GRAMD1B: variants seen among roughly 807,000 people sequenced by gnomAD.
The protein encoded by GRAMD1B is GRAM domain containing 1B.
In GRAMD1B, 37 loss-of-function variants were observed where a neutral mutation model predicts 99.7. The observed-to-expected ratio is 0.37, with a 90% CI of 0.29 to 0.49. The LOEUF is 0.49. Among genes scored for constraint, GRAMD1B ranks in the 20% least tolerant of loss-of-function variants. GRAMD1B has a pLI of 0.98. For missense variants in GRAMD1B, 888 were observed against 1,009.2 expected (o/e 0.88, Z 1.63); for synonymous variants, 427 against 387.6 (o/e 1.10, Z -1.19).
chr11:123,525,427 C>T (rs1942613701), intron 2 of GRAMD1B, among the ~76,000 whole-genome samples: 1 of 152,150 alleles, frequency 6.6e-6, no homozygotes, highest in South Asian at 2.1e-4. Flanking sequence ...CCCTCCCCCG[C>T]AGGGGTGGGG....
intron 19 of GRAMD1B, among the ~76,000 whole-genome samples, chr11:123,619,936 A>T (rs562292794): frequency 6.6e-6 from 1 of 152,214 alleles, no homozygotes; most frequent in East Asian, 1.9e-4. Context: ...ATCCTGCTAC[A>T]TGACAACTTC....
chr11:123,594,377 A>G (rs1007024824), intron 5 of GRAMD1B, among the ~76,000 whole-genome samples: 3 of 152,210 alleles, frequency 2.0e-5, no homozygotes, highest in Non-Finnish European at 4.4e-5. Flanking sequence ...GGAGTGAGTC[A>G]CTGGCATTTT....
chr11:123,611,738 G>A (rs1271186548), intron 14 of GRAMD1B, among the ~76,000 whole-genome samples: 4 of 152,166 alleles, frequency 2.6e-5, no homozygotes, highest in Admixed American at 6.5e-5. Flanking sequence ...TGCAGTCAGC[G>A]GTTGTTGAGT....
chr11:123,483,358 G>C (rs1304629122), intron 2 of GRAMD1B, among the ~76,000 whole-genome samples: 1 of 146,654 alleles, frequency 6.8e-6, no homozygotes, highest in African/African-American at 2.5e-5. Flanking sequence ...CTGATGAACT[G>C]TTTATTTCCA....
chr11:123,431,173 C>T lies in GRAMD1B; in HGVS notation c.374+7C>T. The T allele has an allele frequency of 1.4e-6, 1 of 693,330 alleles. No individual in the cohort carries two copies. Among genetic ancestry groups the T allele is most frequent in the Non-Finnish European group, 2.6e-6 (1 of 379,150 alleles). 42.9% of individuals were successfully genotyped at this position (693,330 alleles called of 1,614,324 possible). On this transcript the variant is annotated splice_region_variant and intron_variant, in intron 1 of 19. Transcript: ENST00000635736. ...AGGAGTGCAGTGAAAGCAGGTACGT[C>T]CCCGTTCCGCCCGTCTCCTTCCCTT...
At chr11:123,609,705 C>T (rs1247923825) in intron 12 of GRAMD1B, 90 bp from the exon 13 acceptor site, 3 of 777,654 alleles carry the variant, frequency 3.9e-6, no homozygotes, top group South Asian at 1.7e-5. Flanking sequence ...GTAGTAAGCA[C>T]AGTCCAGAAG....
chr11:123,507,392 A>G (rs1461926041), intron 2 of GRAMD1B, among the ~76,000 whole-genome samples: 1 of 152,242 alleles, frequency 6.6e-6, no homozygotes, highest in South Asian at 2.1e-4. Context: ...AAACCAGGCA[A>G]TAGGCTAAAG....
chr11:123,507,753 A>G (rs1940582286), intron 2 of GRAMD1B, among the ~76,000 whole-genome samples: 2 of 152,174 alleles, frequency 1.3e-5, no homozygotes, highest in African/African-American at 4.8e-5. Context: ...TGCATTTTTT[A>G]TAATTTGCCA....
chr11:123,578,319 C>T lies in GRAMD1B; in HGVS notation c.663+742C>T, dbSNP rs1948959390. 5 of 1,105,858 alleles carry T rather than the reference C, an allele frequency of 4.5e-6. No individual in the cohort carries two copies. The South Asian group carries it at 5.3e-5, about 12-fold the overall frequency. 68.5% of individuals were successfully genotyped at this position (1,105,858 alleles called of 1,614,324 possible). A position where few individuals can be genotyped will look rare whatever the true frequency, so the allele number is the denominator to read the frequency against. On this transcript the variant is annotated intron_variant, in intron 3 of 19. Transcript: ENST00000635736. ...CCCTGGGAGGCATGGGAGCTGGCTTCCCACTTGAATTTGTCTTTTGATTTC... is the reference window on the plus strand; with the variant it reads ...CCCTGGGAGGCATGGGAGCTGGCTTTCCACTTGAATTTGTCTTTTGATTTC...
At chr11:123,570,826 C>G (rs991574336) in intron 2 of GRAMD1B, among the ~76,000 whole-genome samples, 2 of 152,230 alleles carry the variant, frequency 1.3e-5, no homozygotes, top group African/African-American at 4.8e-5. Flanking sequence ...CACAGTAGTC[C>G]TATGAGATAG....
chr11:123,554,115 A>ATCT (rs1945904807), intron 2 of GRAMD1B, among the ~76,000 whole-genome samples: 2 of 152,166 alleles, frequency 1.3e-5, no homozygotes, highest in African/African-American at 4.8e-5. Context: ...TCTGTATGTG[A>ATCT]TCTGGGAAAA....
chr11:123,412,770 A>C (rs2135978227), intron 1 of GRAMD1B, among the ~76,000 whole-genome samples: 1 of 61,746 alleles, frequency 1.6e-5, no homozygotes, highest in Admixed American at 1.2e-4. Flanking sequence ...TTCATTTTTT[A>C]ATAAAAAAAA....
Position 123,609,800 on chromosome 11 carries a change from ATCT to A in GRAMD1B, c.1666_1668del (p.Phe556del). On this transcript the variant is annotated inframe_deletion, in exon 13 of 20. Coordinates refer to ENST00000635736, the MANE Select transcript of GRAMD1B (RefSeq NM_001387025.1). Reference sequence around the variant, plus strand: ...GGGCTCTCCTCTACCCTTAGATATCATCTTCCATCCATGGAAAAAGGAGGAGAA... The same window carrying A: ...GGGCTCTCCTCTACCCTTAGATATCATCCATCCATGGAAAAAGGAGGAGAA... 6.4e-7 allele frequency: 1 copy of A among 1,553,518 alleles called. No homozygotes were observed. Among genetic ancestry groups the A allele is most frequent in the Non-Finnish European group, 8.8e-7 (1 of 1,133,136 alleles).
intron 2 of GRAMD1B, among the ~76,000 whole-genome samples, chr11:123,533,580 C>G (rs1210395184): frequency 6.6e-6 from 1 of 152,090 alleles, no homozygotes; most frequent in Non-Finnish European, 1.5e-5. Flanking sequence ...GCGCCAGCTA[C>G]CATGCCAGGT....
At chr11:123,552,273 CTTTTTTTTT>C (rs71060514) in intron 2 of GRAMD1B, among the ~76,000 whole-genome samples, 1 of 119,370 alleles carries the variant, frequency 8.4e-6, no homozygotes. Flanking sequence ...CTCTTTCTTT[CTTTTTTTTT>C]TTTTTTTTTT....
intron 3 of GRAMD1B, among the ~76,000 whole-genome samples, chr11:123,580,113 A>G (rs975078412): frequency 6.6e-6 from 1 of 152,128 alleles, no homozygotes; most frequent in Admixed American, 6.5e-5. Context: ...CATCCTTTCA[A>G]TGGAGTTAAA....
At chr11:123,370,631 C>T (rs1244317228) in intron 1 of GRAMD1B, among the ~76,000 whole-genome samples, 1 of 152,124 alleles carries the variant, frequency 6.6e-6, no homozygotes, top group Non-Finnish European at 1.5e-5. Flanking sequence ...TGAGCCACTG[C>T]ACCCGCCTTC....
intron 1 of GRAMD1B, among the ~76,000 whole-genome samples, chr11:123,423,734 T>C (rs1049724831): frequency 2.6e-5 from 4 of 152,200 alleles, no homozygotes; most frequent in Non-Finnish European, 4.4e-5. Context: ...CTTTAAAAAG[T>C]ATAAGTTTTA....
intron 2 of GRAMD1B, among the ~76,000 whole-genome samples, chr11:123,546,667 A>G (rs1389224168): frequency 6.6e-6 from 1 of 152,180 alleles, no homozygotes; most frequent in Non-Finnish European, 1.5e-5. Context: ...ATAGCAGACA[A>G]TGGTATTTTA....
Sources: allele counts gnomAD v4.1 joint callset (sites outside exome capture counted in the v4.1 genomes callset), GRCh38; gene constraint gnomAD v4.1.1; transcripts MANE v1.5; gene names NCBI Gene and HGNC (gene_info 2026-07-23, HGNC 2026-07-21).